IDH3G: variants seen among roughly 807,000 people sequenced by gnomAD.
The protein encoded by IDH3G is isocitrate dehydrogenase (NAD(+)) 3 non-catalytic subunit gamma, also known as isocitrate dehydrogenase [NAD] subunit gamma, mitochondrial.
In IDH3G, 9 loss-of-function variants were observed where a neutral mutation model predicts 26.9. The observed-to-expected ratio is 0.34, with a 90% CI of 0.20 to 0.58. The LOEUF is 0.58. Among genes scored for constraint, IDH3G ranks in the 20% least tolerant of loss-of-function variants. IDH3G has a pLI of 0.85. For synonymous variants in IDH3G, 181 were observed against 160.0 expected, an observed-to-expected ratio of 1.13 and a Z score of -0.99; for missense variants, 250 against 372.8, an observed-to-expected ratio of 0.67 and a Z score of 2.71.
At chrX:153,793,091 G>C (rs782661205) in intron 1 of IDH3G, among the ~76,000 whole-genome samples, 1 of 111,349 alleles carries the variant, frequency 9.0e-6, no homozygotes, top group South Asian at 3.8e-4. Context: ...AGGACGGTCA[G>C]TCTCAGGGCA....
chrX:153,793,503 G>A (rs2092118238), intron 1 of IDH3G: 2 of 111,974 alleles, frequency 1.8e-5, no homozygotes, highest in Admixed American at 9.4e-5. Flanking sequence ...GAGAGAGGAG[G>A]AAATGGCCTA....
chrX:153,790,350 G>GC (rs2092104797), intron 3 of IDH3G, 58 bp from the exon 4 acceptor site: 12 of 1,013,991 alleles, frequency 1.2e-5, no homozygotes, highest in Middle Eastern at 2.6e-4. Flanking sequence ...CCCCAGCTCG[G>GC]CCCCCATGGG....
At position 153,786,887 on chromosome X, in the gene IDH3G, C is replaced by T; in HGVS notation, c.838G>A (p.Val280Ile). The T allele has an allele frequency of 3.3e-6, 4 of 1,210,888 alleles. No homozygotes were observed. Among genetic ancestry groups the T allele is most frequent in the Non-Finnish European group, 4.5e-6 (4 of 894,901 alleles). The change falls in exon 10 of 13, where the codon GTC becomes ATC. Residue 280 changes from valine (V) to isoleucine (I), a missense_variant. Val to Ile is a conservative substitution (Grantham distance 29). Coordinates refer to ENST00000217901, the MANE Select transcript of IDH3G (RefSeq NM_004135.4). ...ACCAGTCCCGCGCAGACATTGTTGA[C>T]GATGTTGCCATAGAGATTGGGCATC... Reference protein sequence around the residue: ...MVMPNLYGNIVNNVCAGLVGG... With the variant: ...MVMPNLYGNIINNVCAGLVGG...
Position 153,787,498 on chromosome X carries a change from T to G in IDH3G, c.640A>C (p.Lys214Gln), listed in dbSNP as rs368956329. ...AFKLAQESGR[K>Q]KVTAVHKANI... ...GCCTTGTGCACGGCCGTCACTTTCT[T>G]GCGCCCGCTCTCCTGCGCCAGCTTG... The change falls in exon 8 of 13, where the codon AAG becomes CAG. Residue 214 changes from lysine (K) to glutamine (Q), a missense_variant. Transcript: ENST00000217901. 9 of 1,210,327 alleles carry G rather than the reference T, an allele frequency of 7.4e-6. No homozygotes were observed. The African/African-American group carries it at 1.4e-4, about 19-fold the overall frequency.
rs782409860 is a variant in IDH3G, at chrX:153,793,256, G to A, written c.81+990C>T. ...CTGGAGCCATCAGAGCCTCTGGAAAGCCACTATATACTGCCGTCCTTTCAG... is the reference window on the plus strand; with the variant it reads ...CTGGAGCCATCAGAGCCTCTGGAAAACCACTATATACTGCCGTCCTTTCAG... On this transcript the variant is annotated intron_variant, in intron 1 of 12. Transcript: ENST00000217901. Among the ~76,000 whole-genome samples, 5 of 111,981 alleles carry A rather than the reference G, an allele frequency of 4.5e-5. No homozygotes were observed. The East Asian group carries it at 1.4e-3, about 31-fold the overall frequency.
chrX:153,789,351 C>G (rs1467062424), intron 5 of IDH3G, among the ~76,000 whole-genome samples: 1 of 112,571 alleles, frequency 8.9e-6, no homozygotes, highest in African/African-American at 3.2e-5. Flanking sequence ...CAAGACCAGC[C>G]TGGCCAACAT....
intron 10 of IDH3G, 50 bp from the exon 11 acceptor site, chrX:153,786,499 G>T: frequency 1.0e-6 from 1 of 966,435 alleles, no homozygotes; most frequent in Non-Finnish European, 1.4e-6. Context: ...AGGATGCCGG[G>T]CAGTGACTCT....
chrX:153,787,168 G>C lies in IDH3G; in HGVS notation c.675-15C>G. On this transcript the variant is annotated splice_polypyrimidine_tract_variant and intron_variant, in intron 8 of 12. Coordinates refer to ENST00000217901, the MANE Select transcript of IDH3G (RefSeq NM_004135.4). ...CGCCCAGTTTCCTGGTGGGGGGTTA[G>C]GAATAGGACACCAGCTTGGCCATCG... 8.7e-7 allele frequency: 1 copy of C among 1,155,764 alleles called. No homozygotes were observed. The highest frequency in any genetic ancestry group is 1.2e-6 in the Non-Finnish European group (1 of 846,193).
intron 2 of IDH3G, 72 bp from the exon 3 acceptor site, chrX:153,790,647 G>A (rs2092105991): frequency 8.8e-7 from 1 of 1,135,912 alleles, no homozygotes; most frequent in African/African-American, 1.8e-5. Context: ...CCAGGAAAGT[G>A]GGACCTTTTC....
At chrX:153,786,583 A>G in intron 10 of IDH3G, 134 bp from the exon 11 acceptor site, 2 of 618,560 alleles carry the variant, frequency 3.2e-6, no homozygotes, top group East Asian at 3.6e-5. Context: ...GGGTTGGGGG[A>G]AGGTGTGGGG....
At chrX:153,792,902 C>T (rs2148446644) in intron 1 of IDH3G, among the ~76,000 whole-genome samples, 1 of 112,540 alleles carries the variant, frequency 8.9e-6, no homozygotes, top group South Asian at 3.7e-4. Context: ...CTCCCATCAC[C>T]CTTTCATGGT....
At position 153,787,159 on chromosome X, in the gene IDH3G, G is replaced by A; in HGVS notation, c.675-6C>T. ...AAAGCCCATCGCCCAGTTTCCTGGT[G>A]GGGGGTTAGGAATAGGACACCAGCT... On this transcript the variant is annotated splice_polypyrimidine_tract_variant and splice_region_variant and intron_variant, in intron 8 of 12. Coordinates refer to ENST00000217901, the MANE Select transcript of IDH3G (RefSeq NM_004135.4). The A allele has an allele frequency of 8.4e-7, 1 of 1,185,677 alleles. No homozygotes were observed. Among genetic ancestry groups the A allele is most frequent in the Non-Finnish European group, 1.1e-6 (1 of 872,892 alleles).
Position 153,794,370 on chromosome X carries a change from G to T in IDH3G, c.-44C>A. On this transcript the variant is annotated 5_prime_UTR_variant, in exon 1 of 13. Transcript: ENST00000217901. ...CCGCACGTCCCGACACGCAGATACCGCTCTCGCGAGAGTTCGACGGGGTGC... is the reference window on the plus strand; with the variant it reads ...CCGCACGTCCCGACACGCAGATACCTCTCTCGCGAGAGTTCGACGGGGTGC... 8.6e-7 allele frequency: 1 copy of T among 1,168,351 alleles called. No individual in the cohort carries two copies.
chrX:153,787,991 A>G (rs1557069612), intron 6 of IDH3G, 36 bp from the exon 7 acceptor site: 1 of 1,210,242 alleles, frequency 8.3e-7, no homozygotes, highest in South Asian at 1.8e-5. Context: ...GCTAGGCCTG[A>G]CAGGTGGCTG....
chrX:153,790,843 G>T lies in IDH3G; in HGVS notation c.90C>A (p.Gly30=), dbSNP rs782237167. 1 of 1,206,006 alleles carries T rather than the reference G, an allele frequency of 8.3e-7. No individual in the cohort carries two copies. Among genetic ancestry groups the T allele is most frequent in the South Asian group, 1.8e-5 (1 of 56,717 alleles). ...ALLCRPWEVL[G]AHEVPSRNIF... The stretch of plus-strand genomic sequence containing the variant: ...TGTTCCTCGAGGGGACCTCGTGGGC[G>T]CCTAGAACCTGGCAGAGACCAAATG... The change falls in exon 2 of 13, where the codon GGC becomes GGA. Residue 30 remains glycine (G), a synonymous_variant. Coordinates refer to ENST00000217901, the MANE Select transcript of IDH3G (RefSeq NM_004135.4).
intron 1 of IDH3G, among the ~76,000 whole-genome samples, chrX:153,792,016 T>C (rs1468140109): frequency 8.9e-6 from 1 of 112,397 alleles, no homozygotes; most frequent in Non-Finnish European, 1.9e-5. Context: ...TATCAACATC[T>C]GAAATCATCT....
intron 1 of IDH3G, chrX:153,792,146 C>G (rs1157087122): frequency 2.7e-5 from 3 of 111,503 alleles, no homozygotes; most frequent in African/African-American, 9.8e-5. Flanking sequence ...ACCCCCTTCC[C>G]TAGGTTATCA....
chrX:153,794,042 G>A, intron 1 of IDH3G: 2 of 412,066 alleles, frequency 4.9e-6, no homozygotes, highest in Non-Finnish European at 8.0e-6. Context: ...ACCCGATGCA[G>A]ACCCCCTGGG....
intron 1 of IDH3G, 183 bp downstream of exon 1, chrX:153,794,063 C>A: frequency 2.0e-6 from 1 of 495,208 alleles, no homozygotes; most frequent in Non-Finnish European, 3.2e-6. Context: ...GGAGCCGGTC[C>A]AGGGCCAACT....
Sources: allele counts gnomAD v4.1 joint callset (sites outside exome capture counted in the v4.1 genomes callset), GRCh38; gene constraint gnomAD v4.1.1; transcripts MANE v1.5; gene names NCBI Gene and HGNC (gene_info 2026-07-23, HGNC 2026-07-21).